Variants in PLA2G6 observed in about 807,000 individuals in gnomAD.
PLA2G6 encodes 85/88 kDa calcium-independent phospholipase A2.
A neutral mutation model predicts 83.8 loss-of-function variants in PLA2G6; 62 were observed. The observed-to-expected ratio is 0.74, with a 90% CI of 0.60 to 0.91. PLA2G6 has a LOEUF of 0.91. Ranked by LOEUF, PLA2G6 falls within the 40% of genes least tolerant of loss-of-function variation. The pLI is 0.00. For missense variants in PLA2G6, 944 were observed against 1,102.0 expected (o/e 0.86, Z 2.03); for synonymous variants, 417 against 449.8 (o/e 0.93, Z 0.92).
At chr22:38,155,631 T>C (rs768298537) in intron 2 of PLA2G6, among the ~76,000 whole-genome samples, 2 of 152,182 alleles carry the variant, frequency 1.3e-5, no homozygotes, top group Non-Finnish European at 2.9e-5. Context: ...GGTTATAAGA[T>C]ATTATTTGCA....
In PLA2G6 at chr22:38,141,684, C is replaced by T. The variant is rs117456229; in HGVS notation, c.609+1421G>A. On this transcript the variant is annotated intron_variant, in intron 4 of 16. Transcript: ENST00000332509. ...TGTATTCTAAGAATTAACTGGAACA[C>T]ATACAACACTCAGTTCAAGGTCAGG... The T allele has an allele frequency of 2.6e-5, 4 of 152,324 alleles. No homozygotes were observed. In the East Asian group the frequency reaches 7.7e-4, roughly 29 times the overall value. The allele number at this position is 152,324 out of a possible 1,614,324, so 9.4% of individuals were successfully genotyped here. A position where few individuals can be genotyped will look rare whatever the true frequency, so the allele number is the denominator to read the frequency against.
intron 1 of PLA2G6, among the ~76,000 whole-genome samples, chr22:38,174,968 G>A (rs563306236): frequency 3.3e-5 from 5 of 152,224 alleles, no homozygotes; most frequent in South Asian, 2.1e-4. Context: ...GGCTCAGAGC[G>A]GGTGGTGAGG....
At chr22:38,160,506 C>T (rs2089966435) in intron 2 of PLA2G6, among the ~76,000 whole-genome samples, 2 of 152,166 alleles carry the variant, frequency 1.3e-5, no homozygotes, top group South Asian at 2.1e-4. Context: ...GCACACAAAA[C>T]GTATCAATCT....
chr22:38,120,761 G>T lies in PLA2G6; in HGVS notation c.1740C>A (p.Pro580=). 1 of 1,613,668 alleles carries T rather than the reference G, an allele frequency of 6.2e-7. No individual in the cohort carries two copies. The highest frequency in any genetic ancestry group is 1.1e-5 in the South Asian group (1 of 91,088). Residue 580 remains proline (P), a splice_region_variant and synonymous_variant, in exon 12 of 17, where the codon CCC becomes CCA. Transcript: ENST00000332509. Reference sequence around the variant, plus strand: ...GGCCCCAGTGCGCCAGGGCTTACTTGGGTTTCCTGACGTCCGTCATCTTGG... The same window carrying T: ...GGCCCCAGTGCGCCAGGGCTTACTTTGGTTTCCTGACGTCCGTCATCTTGG... ...EHTKMTDVRK[P]KVMLTGTLSD...
At chr22:38,136,730 C>A (rs2145787481) in intron 5 of PLA2G6, 1 of 144,136 alleles carries the variant, frequency 6.9e-6, no homozygotes, top group South Asian at 2.2e-4. Flanking sequence ...GGAACTATAT[C>A]TCAATAAAGC....
chr22:38,121,631 A>C (rs2087534406), intron 11 of PLA2G6, among the ~76,000 whole-genome samples: 1 of 152,166 alleles, frequency 6.6e-6, no homozygotes, highest in East Asian at 1.9e-4. Context: ...GTACAAGCAG[A>C]GGGTAGCTGA....
At chr22:38,153,960 C>A (rs907561139) in intron 2 of PLA2G6, among the ~76,000 whole-genome samples, 4 of 152,148 alleles carry the variant, frequency 2.6e-5, no homozygotes, top group African/African-American at 9.7e-5. Flanking sequence ...GGCCTGGCAG[C>A]ACTGCCACAG....
chr22:38,178,018 C>T (rs1233641724), intron 1 of PLA2G6, among the ~76,000 whole-genome samples: 6 of 152,198 alleles, frequency 3.9e-5, no homozygotes, highest in Non-Finnish European at 8.8e-5. Flanking sequence ...CTGCTGCTCA[C>T]GTGAGCCAGA....
chr22:38,116,011 A>G (rs1602068113), intron 13 of PLA2G6, 64 bp downstream of exon 13: 1 of 1,587,918 alleles, frequency 6.3e-7, no homozygotes, highest in Admixed American at 1.7e-5. Flanking sequence ...CACGACTCCC[A>G]CCCACCACCC....
At chr22:38,175,013 G>A (rs2145956521) in intron 1 of PLA2G6, among the ~76,000 whole-genome samples, 1 of 152,298 alleles carries the variant, frequency 6.6e-6, no homozygotes. Flanking sequence ...TTCCTCCTCA[G>A]CTACGAATTC....
chr22:38,136,814 C>G (rs2145787928), intron 5 of PLA2G6: 1 of 141,630 alleles, frequency 7.1e-6, no homozygotes, highest in South Asian at 2.4e-4. Flanking sequence ...CTGGCACTTA[C>G]TGACTGCCTG....
intron 14 of PLA2G6, 193 bp from the exon 15 acceptor site, chr22:38,113,847 G>A (rs1397364256): frequency 5.8e-6 from 4 of 690,480 alleles, no homozygotes; most frequent in Non-Finnish European, 7.9e-6. Context: ...CGGCTGGTGC[G>A]GGCATCACAT....
At chr22:38,152,623 C>G (rs985544401) in intron 2 of PLA2G6, among the ~76,000 whole-genome samples, 1 of 152,154 alleles carries the variant, frequency 6.6e-6, no homozygotes, top group Non-Finnish European at 1.5e-5. Context: ...GCCTGAGGAG[C>G]CATGAGACAA....
chr22:38,143,441 T>C (rs551709093), intron 3 of PLA2G6, 153 bp from the exon 4 acceptor site: 7 of 745,982 alleles, frequency 9.4e-6, no homozygotes, highest in Middle Eastern at 3.5e-4. Flanking sequence ...CTAGTTGGGC[T>C]GATTTGAATG....
In PLA2G6 at chr22:38,132,354, G is replaced by A. The variant is rs1222368114; in HGVS notation, c.1077+477C>T. The A allele has an allele frequency of 1.2e-5, 4 of 321,070 alleles. No individual in the cohort carries two copies. Among genetic ancestry groups the A allele is most frequent in the Admixed American group, 4.7e-5 (1 of 21,142 alleles). 19.9% of individuals were successfully genotyped at this position (321,070 alleles called of 1,614,324 possible). On this transcript the variant is annotated intron_variant, in intron 7 of 16. Coordinates refer to ENST00000332509, the MANE Select transcript of PLA2G6 (RefSeq NM_003560.4). This position sits in a 1 kb window ranked among gnomAD's most constrained non-coding sequence, Gnocchi z 5.0. The stretch of plus-strand genomic sequence containing the variant: ...CCCAGGGAAGATGAGAGCAACACGC[G>A]GACCAGTGAAGGGAAGCAGGATGCT...
Position 38,126,570 on chromosome 22 carries a change from T to TC in PLA2G6, c.1349-122dup. On this transcript the variant is annotated intron_variant, in intron 9 of 16. Transcript: ENST00000332509. ...CACGGCCACGCCCTCATCCCCCCAC[T>TC]CCCCCTGTCATCTGTCCCTTCCCCA... 4.2e-6 allele frequency: 3 copies of TC among 714,100 alleles called. 1 individual carries two copies. Among genetic ancestry groups the TC allele is most frequent in the Non-Finnish European group, 2.5e-6 (1 of 398,126 alleles). The allele number at this position is 714,100 out of a possible 1,614,324, so 44.2% of individuals were successfully genotyped here.
chr22:38,134,899 G>A (rs1042059242), intron 6 of PLA2G6, 89 bp downstream of exon 6: 8 of 863,902 alleles, frequency 9.3e-6, no homozygotes. Context: ...CTAGCCTCAG[G>A]GTCCTCTCGG....
Position 38,139,966 on chromosome 22 carries a change from G to A in PLA2G6, c.797+16C>T. On this transcript the variant is annotated intron_variant, in intron 5 of 16. Coordinates refer to ENST00000332509, the MANE Select transcript of PLA2G6 (RefSeq NM_003560.4). Reference sequence around the variant, plus strand: ...AGCCCAGCAGGCCAGCAGATGGGGAGGGGAGGAGGTCTTACCCCTTCTGAG... The same window carrying A: ...AGCCCAGCAGGCCAGCAGATGGGGAAGGGAGGAGGTCTTACCCCTTCTGAG... The A allele has an allele frequency of 1.3e-6, 2 of 1,565,280 alleles. No homozygotes were observed. The highest frequency in any genetic ancestry group is 1.7e-6 in the Non-Finnish European group (2 of 1,151,718).
Position 38,116,067 on chromosome 22 carries a change from G to C in PLA2G6, c.1879+8C>G, listed in dbSNP as rs370347639. On this transcript the variant is annotated splice_region_variant and intron_variant, in intron 13 of 16. Coordinates refer to ENST00000332509, the MANE Select transcript of PLA2G6 (RefSeq NM_003560.4). The stretch of plus-strand genomic sequence containing the variant: ...GCTTCCCATGGATGCATCAAACATG[G>C]TTTAAACCTGAGGGCTGAGCTGGAG... 1.8e-5 allele frequency: 29 copies of C among 1,613,698 alleles called. No homozygotes were observed. Among genetic ancestry groups the C allele is most frequent in the Admixed American group, 6.7e-5 (4 of 60,024 alleles).
Sources: allele counts gnomAD v4.1 joint callset (sites outside exome capture counted in the v4.1 genomes callset), GRCh38; gene constraint gnomAD v4.1.1; non-coding constraint Gnocchi (gnomAD v3.1); transcripts MANE v1.5; gene names NCBI Gene and HGNC (gene_info 2026-07-23, HGNC 2026-07-21).